The following C4orf50 variants were observed in gnomAD, a reference collection of about 807,000 sequenced individuals.
C4orf50 encodes the protein chromosome 4 open reading frame 50.
A neutral mutation model predicts 77.2 loss-of-function variants in C4orf50; 80 were observed. That is an observed-to-expected ratio of 1.04 (90% CI 0.87 to 1.25). C4orf50 has a LOEUF of 1.25. Ranked by LOEUF, C4orf50 falls within the 50% of genes most tolerant of loss-of-function variation. The probability of loss-of-function intolerance (pLI) is 0.00; values close to 1 mark genes in which losing one functional copy is unlikely to be tolerated. For missense variants in C4orf50, 1,257 were observed against 1,152.9 expected (o/e 1.09, Z -1.31); for synonymous variants, 532 against 465.3 (o/e 1.14, Z -1.84).
In C4orf50 at chr4:6,009,405, T is replaced by A. The variant is rs554186365; in HGVS notation, c.427-873A>T. ...TTCCGGAAAACAAAAACAAACAAAC[T>A]AAGAGCAAACGTGAAAGAGGAAACC... On this transcript the variant is annotated intron_variant, in intron 24 of 33. Coordinates refer to ENST00000531445, the Ensembl canonical transcript of C4orf50. This position sits in a 1 kb window ranked among gnomAD's most constrained non-coding sequence, Gnocchi z 5.6. Among the ~76,000 whole-genome samples the A allele has an allele frequency of 4.1e-4, 62 of 152,196 alleles. No individual in the cohort carries two copies. Among genetic ancestry groups the A allele is most frequent in the Non-Finnish European group, 3.8e-4 (26 of 68,012 alleles).
At chr4:5,930,946 G>C (rs1388381176) in intron 7 of C4orf50, among the ~76,000 whole-genome samples, 3 of 152,206 alleles carry the variant, frequency 2.0e-5, no homozygotes, top group East Asian at 3.8e-4. Context: ...AAGGAAAGAA[G>C]GGAGGGACAG....
chr4:5,965,275 G>A lies in C4orf50; in HGVS notation c.4154-130C>T, dbSNP rs921541943. On this transcript the variant is annotated intron_variant, in intron 32 of 33. Transcript: ENST00000531445. ...AGATCATTCCCAGTTTCCATGCCCCGGGGCAGAGGTCCTCTCAGATGCCTT... is the reference window on the plus strand; with the variant it reads ...AGATCATTCCCAGTTTCCATGCCCCAGGGCAGAGGTCCTCTCAGATGCCTT... 23 of 815,016 alleles carry A rather than the reference G, an allele frequency of 2.8e-5. No homozygotes were observed. In the Middle Eastern group the frequency reaches 9.9e-4, roughly 35 times the overall value. 50.5% of individuals were successfully genotyped at this position (815,016 alleles called of 1,614,324 possible).
At chr4:5,917,904 G>A (rs904236384) in intron 7 of C4orf50, among the ~76,000 whole-genome samples, 1 of 152,064 alleles carries the variant, frequency 6.6e-6, no homozygotes, top group Non-Finnish European at 1.5e-5. Flanking sequence ...GGGCCCAGGC[G>A]AGAGGTGGCG....
In C4orf50 at chr4:5,992,075, C is replaced by T. The variant is rs1721322667; in HGVS notation, c.1221+728G>A. On this transcript the variant is annotated intron_variant, in intron 27 of 33. Coordinates refer to ENST00000531445, the Ensembl canonical transcript of C4orf50. The surrounding 1 kb of genome is among the most constrained non-coding windows in gnomAD (Gnocchi z 5.0). ...CTTAACCTGCTGGAGCCTCAGCCACCTCACCTGTCAAATGGGGCACCTCCG... is the reference window on the plus strand; with the variant it reads ...CTTAACCTGCTGGAGCCTCAGCCACTTCACCTGTCAAATGGGGCACCTCCG... 6.6e-6 allele frequency among the ~76,000 whole-genome samples: 1 copy of T among 152,192 alleles called. No individual in the cohort carries two copies.
At chr4:5,944,010 G>C (rs932448149) in intron 7 of C4orf50, among the ~76,000 whole-genome samples, 1 of 152,176 alleles carries the variant, frequency 6.6e-6, no homozygotes, top group African/African-American at 2.4e-5. Context: ...TCCCACAACA[G>C]GCTCTTTGGG....
intron 7 of C4orf50, among the ~76,000 whole-genome samples, chr4:5,921,715 T>C (rs1047476937): frequency 6.6e-6 from 1 of 151,686 alleles, no homozygotes; most frequent in Non-Finnish European, 1.5e-5. Context: ...CATGCAAAGG[T>C]AGAGAGTTTG....
intron 33 of C4orf50, among the ~76,000 whole-genome samples, chr4:5,962,557 G>T (rs1719328081): frequency 6.6e-6 from 1 of 152,210 alleles, no homozygotes; most frequent in African/African-American, 2.4e-5. Context: ...GAGGGAAGAG[G>T]GACTGCTCCT....
At position 5,992,416 on chromosome 4, in the gene C4orf50, G is replaced by A. The variant is rs954473918; in HGVS notation, c.1221+387C>T. On this transcript the variant is annotated intron_variant, in intron 27 of 33. Transcript: ENST00000531445. This position sits in a 1 kb window ranked among gnomAD's most constrained non-coding sequence, Gnocchi z 5.0. ...CTCAGGGCCAGCATGGGGCAGTGTG[G>A]GCCGTCGAGCCTGGATCTCGGGGTC... Among the ~76,000 whole-genome samples the A allele has an allele frequency of 1.3e-5, 2 of 152,064 alleles. No homozygotes were observed. Among genetic ancestry groups the A allele is most frequent in the Admixed American group, 6.5e-5 (1 of 15,274 alleles).
At chr4:5,944,207 T>A (rs1718388469) in intron 7 of C4orf50, among the ~76,000 whole-genome samples, 1 of 152,228 alleles carries the variant, frequency 6.6e-6, no homozygotes, top group African/African-American at 2.4e-5. Context: ...CTAAGCTCCC[T>A]TCTTCTCTCA....
intron 25 of C4orf50, among the ~76,000 whole-genome samples, chr4:5,999,706 G>C (rs1721747100): frequency 6.6e-6 from 1 of 152,220 alleles, no homozygotes; most frequent in Non-Finnish European, 1.5e-5. Flanking sequence ...ACACAGCTGA[G>C]GGAGTGGGCA....
At chr4:5,945,643 A>T (rs1044856680) in intron 7 of C4orf50, among the ~76,000 whole-genome samples, 4 of 152,192 alleles carry the variant, frequency 2.6e-5, no homozygotes, top group Non-Finnish European at 5.9e-5. Flanking sequence ...GGCCTGCCCA[A>T]GGAGGTGCAG....
rs553419847 is a variant in C4orf50 at position 5,945,259 on chromosome 4, G to A, written c.*2474+11642C>T. 7.2e-5 allele frequency among the ~76,000 whole-genome samples: 11 copies of A among 152,200 alleles called. No individual in the cohort carries two copies. In the South Asian group the frequency reaches 8.3e-4, roughly 11 times the overall value. Reference sequence around the variant, plus strand: ...CATTCGGATTTGACTGCCTGGCACCGGCATGACATCTTAATCAATCTTCCC... The same window carrying A: ...CATTCGGATTTGACTGCCTGGCACCAGCATGACATCTTAATCAATCTTCCC... On this transcript the variant is annotated intron_variant, in intron 7 of 7. Transcript: ENST00000324058.
In C4orf50 at chr4:5,980,606, G is replaced by T. The variant is rs556270731; in HGVS notation, c.3700-268C>A. On this transcript the variant is annotated intron_variant, in intron 28 of 33. Transcript: ENST00000531445. ...GACACGTGCATGTATAGGAGTGGGT[G>T]GTTCTGCTTGGTTTCCGGAGGTGGG... Among the ~76,000 whole-genome samples the T allele has an allele frequency of 3.3e-5, 5 of 152,220 alleles. No individual in the cohort carries two copies. The East Asian group carries it at 9.7e-4, about 30-fold the overall frequency.
At chr4:5,945,783 C>A (rs753247794) in intron 7 of C4orf50, among the ~76,000 whole-genome samples, 7 of 152,194 alleles carry the variant, frequency 4.6e-5, no homozygotes, top group Non-Finnish European at 1.0e-4. Context: ...CTGGGCTGGG[C>A]TGGACCCTGG....
intron 7 of C4orf50, among the ~76,000 whole-genome samples, chr4:5,912,110 A>ACCT (rs1716832684): frequency 6.6e-6 from 1 of 151,780 alleles, no homozygotes; most frequent in African/African-American, 2.4e-5. Context: ...AAAATACCAG[A>ACCT]CCTGATTTTC....
At chr4:5,971,280 G>A (rs892853690) in intron 31 of C4orf50, among the ~76,000 whole-genome samples, 3 of 152,180 alleles carry the variant, frequency 2.0e-5, no homozygotes, top group Non-Finnish European at 4.4e-5. Flanking sequence ...AAGCAGCACT[G>A]GACCCGCTTC....
At chr4:5,920,878 T>G (rs1717235147) in intron 7 of C4orf50, among the ~76,000 whole-genome samples, 1 of 152,200 alleles carries the variant, frequency 6.6e-6, no homozygotes, top group African/African-American at 2.4e-5. Flanking sequence ...TGCTGTGAGC[T>G]CCGAGGGGTA....
intron 23 of C4orf50, among the ~76,000 whole-genome samples, chr4:6,014,292 G>A (rs542127360): frequency 2.0e-5 from 3 of 152,228 alleles, no homozygotes; most frequent in South Asian, 2.1e-4. Context: ...GCGAGCAACC[G>A]GGCCGGCCTA....
In C4orf50 at chr4:5,992,854, C is replaced by T. The variant is rs59563900; in HGVS notation, c.1170G>A (p.Pro390=). ...CTCTGGGGAGCTCGCTTGTGGTCTC[C>T]GGGCCTGGAGCCAAAACAGAAGAGG... is the stretch of plus-strand genomic sequence containing the variant. Residue 390 remains proline (P), a synonymous_variant, in exon 27 of 34, where the codon CCG becomes CCA. Coordinates refer to ENST00000531445, the Ensembl canonical transcript of C4orf50. This position sits in a 1 kb window ranked among gnomAD's most constrained non-coding sequence, Gnocchi z 5.0. The T allele has an allele frequency of 8.7e-3, 3,490 of 399,104 alleles. 87 individuals carry two copies. The highest frequency in any genetic ancestry group is 0.061 in the African/African-American group (2,998 of 48,748). The allele number at this position is 399,104 out of a possible 1,614,324, so 24.7% of individuals were successfully genotyped here.
Sources: allele counts gnomAD v4.1 joint callset (sites outside exome capture counted in the v4.1 genomes callset), GRCh38; gene constraint gnomAD v4.1.1; non-coding constraint Gnocchi (gnomAD v3.1); transcripts MANE v1.5; gene names NCBI Gene and HGNC (gene_info 2026-07-23, HGNC 2026-07-21).